The following TTN variants were observed in gnomAD, a reference collection of about 807,000 sequenced individuals.
TTN encodes the protein titin.
TTN carries 1,525 observed loss-of-function variants against 3,223.0 expected under a neutral mutation model. The ratio of observed to expected loss-of-function variants is 0.47; its 90% CI spans 0.45 to 0.49. The LOEUF (loss-of-function observed/expected upper bound fraction) is 0.49, where lower values mean the gene tolerates loss of function less well. Ranked by LOEUF, TTN falls within the 20% of genes least tolerant of loss-of-function variation. The pLI, the probability that TTN is intolerant of heterozygous loss-of-function variation, is 0.00. For missense variants in TTN, 40,786 were observed against 43,424.0 expected (o/e 0.94, Z 5.40); for synonymous variants, 14,094 against 15,161.0 (o/e 0.93, Z 5.17).
intron 216 of TTN, 134 bp downstream of exon 216, chr2:178,646,351 G>T: frequency 1.9e-6 from 1 of 532,676 alleles, no homozygotes; most frequent in Non-Finnish European, 3.2e-6. Context: ...TAAGAATGAG[G>T]CTCACATTTA....
chr2:178,636,739 C>A lies in TTN; in HGVS notation c.40988G>T (p.Ser13663Ile). The A allele has an allele frequency of 6.2e-7, 1 of 1,611,740 alleles. No homozygotes were observed. The highest frequency in any genetic ancestry group is 8.5e-7 in the Non-Finnish European group (1 of 1,178,286). The change falls in exon 225 of 363, where the codon AGT becomes ATT. Residue 13663 changes from serine to isoleucine, a missense_variant. Coordinates refer to ENST00000589042, the MANE Select transcript of TTN (RefSeq NM_001267550.2). This position sits in a 1 kb window ranked among gnomAD's most constrained non-coding sequence, Gnocchi z 4.3. The stretch of plus-strand genomic sequence containing the variant: ...TTCATCAGGAGGTTTCTCTCCACCA[C>A]TTCCTGGCCTTAACTTTCTCCTTTC... ...EAERRKLRPG[S>I]GGEKPPDEAP...
At chr2:178,550,562 GCA>G in intron 336 of TTN, 1 of 429,826 alleles carries the variant, frequency 2.3e-6, no homozygotes, top group African/African-American at 2.0e-5. Context: ...TAATACTGCT[GCA>G]CAGTCACACA....
At position 178,534,103 on chromosome 2, in the gene TTN, T is replaced by C; in HGVS notation, c.102512A>G (p.Tyr34171Cys). 6.2e-7 allele frequency: 1 copy of C among 1,613,984 alleles called. No individual in the cohort carries two copies. Among genetic ancestry groups the C allele is most frequent in the Non-Finnish European group, 8.5e-7 (1 of 1,179,856 alleles). The change falls in exon 358 of 363, where the codon TAC becomes TGC. Residue 34171 changes from tyrosine (Y) to cysteine (C), a missense_variant. By Grantham distance (194) the Tyr-to-Cys change is radical. Transcript: ENST00000589042. Reference sequence around the variant, plus strand: ...GTTCTCCAGCTGTCGGACGCCAAAGTACCAAGTCACTTGGGTAGACTGATC... The same window carrying C: ...GTTCTCCAGCTGTCGGACGCCAAAGCACCAAGTCACTTGGGTAGACTGATC... Reference protein sequence around the residue: ...NYDQSTQVTWYFGVRQLENSE... With the variant: ...NYDQSTQVTWCFGVRQLENSE...
At chr2:178,802,074 T>A (rs2094094058) in intron 3 of TTN, 64 bp downstream of exon 3, 13 of 1,605,434 alleles carry the variant, frequency 8.1e-6, no homozygotes. Flanking sequence ...TCTGGACTCC[T>A]TTCCCAATTT....
At chr2:178,758,942 G>T (rs147564262) in intron 44 of TTN, 42 bp downstream of exon 44, 14 of 1,564,874 alleles carry the variant, frequency 8.9e-6, no homozygotes, top group African/African-American at 8.1e-5. Flanking sequence ...GTTAAGATTC[G>T]ATCTATATTT....
chr2:178,771,293 AATG>A lies in TTN; in HGVS notation c.8031_8033del (p.Ile2678del). 1 of 1,614,128 alleles carries A rather than the reference AATG, an allele frequency of 6.2e-7. No individual in the cohort carries two copies. On this transcript the variant is annotated inframe_deletion, in exon 34 of 363. Coordinates refer to ENST00000589042, the MANE Select transcript of TTN (RefSeq NM_001267550.2). The stretch of plus-strand genomic sequence containing the variant: ...CAATGTCATCTAATTTGGTGGCAGC[AATG>A]ATAAGTCTCCTTTTGTGGCCATCAG...
chr2:178,599,244 A>G lies in TTN; in HGVS notation c.56549T>C (p.Leu18850Pro). Residue 18850 changes from leucine to proline, a missense_variant, in exon 290 of 363, where the codon CTA (leucine) becomes CCA (proline). Leu to Pro is a moderately conservative substitution (Grantham distance 98, BLOSUM62 -3). Transcript: ENST00000589042. ...TCGGAATACATATTCATGGCCTTCTAGCAATTTGGGAATCGTGTACGTGCA... is the reference window on the plus strand; with the variant it reads ...TCGGAATACATATTCATGGCCTTCTGGCAATTTGGGAATCGTGTACGTGCA... ...KECTYTIPKLLEGHEYVFRIM... is the reference protein window; with the variant it reads ...KECTYTIPKLPEGHEYVFRIM... 1 of 1,555,626 alleles carries G rather than the reference A, an allele frequency of 6.4e-7. No individual in the cohort carries two copies. The highest frequency in any genetic ancestry group is 1.3e-5 in the South Asian group (1 of 78,504).
Position 178,614,506 on chromosome 2 carries a change from C to T in TTN, c.49008G>A (p.Val16336=), listed in dbSNP as rs781078888. Residue 16336 remains valine, a synonymous_variant, in exon 261 of 363, where the codon GTG becomes GTA. Transcript: ENST00000589042. ...CCACCACAGCAGTGGCCCGGCCACA[C>T]ACATTCACAGCCTCAATGATATATG... ...TGTYIIEAVN[V]CGRATAVVEV... The T allele has an allele frequency of 3.5e-5, 57 of 1,611,344 alleles. No individual in the cohort carries two copies. Among genetic ancestry groups the T allele is most frequent in the Middle Eastern group, 1.7e-4 (1 of 6,042 alleles).
intron 213 of TTN, 114 bp downstream of exon 213, chr2:178,649,134 C>T: frequency 1.3e-6 from 1 of 796,446 alleles, no homozygotes. Context: ...TCCCTTTTTT[C>T]TGTGCAATAT....
At position 178,779,330 on chromosome 2, in the gene TTN, C is replaced by T; in HGVS notation, c.3862G>A (p.Ala1288Thr). 6.2e-7 allele frequency: 1 copy of T among 1,613,310 alleles called. No homozygotes were observed. Among genetic ancestry groups the T allele is most frequent in the Non-Finnish European group, 8.5e-7 (1 of 1,179,422 alleles). Residue 1288 changes from alanine (A) to threonine (T), a missense_variant, in exon 23 of 363, where the codon GCT becomes ACT. Transcript: ENST00000589042. ...CTTGAATCAAATCCTGATTCAACAG[C>T]TTCAGATTCAGAAATGTCAACTGCC... ...KMAVDISESEAVESGFDSRIK... is the reference protein window; with the variant it reads ...KMAVDISESETVESGFDSRIK...
intron 47 of TTN, chr2:178,747,070 TGG>T: frequency 1.2e-6 from 2 of 1,612,640 alleles, no homozygotes; most frequent in Non-Finnish European, 1.7e-6. Context: ...GTGCCTCCCC[TGG>T]GGGTGTGGAA....
rs903890102 is a variant in TTN at position 178,774,172 on chromosome 2, G to A, written c.7057+35C>T. The A allele has an allele frequency of 1.4e-5, 23 of 1,613,996 alleles. No homozygotes were observed. In the African/African-American group the frequency reaches 3.1e-4, roughly 22 times the overall value. ...TTTTTTATCAATAAACCATAATGAT[G>A]CTCACTGCAGGCTGACAGGAATGGG... On this transcript the variant is annotated intron_variant, in intron 30 of 362. Transcript: ENST00000589042.
rs750171692 is a variant in TTN, at chr2:178,605,063, C to T, written c.54114G>A (p.Glu18038=). 1.9e-6 allele frequency: 3 copies of T among 1,612,530 alleles called. No homozygotes were observed. The highest frequency in any genetic ancestry group is 3.3e-5 in the Admixed American group (2 of 59,936). The change falls in exon 280 of 363, where the codon GAG becomes GAA. Residue 18038 remains glutamate (E), a synonymous_variant. Coordinates refer to ENST00000589042, the MANE Select transcript of TTN (RefSeq NM_001267550.2). ...TELSIPKAVR[E]DKGTYTVTAS... Reference sequence around the variant, plus strand: ...CAGTAACTGTGTAAGTGCCTTTGTCCTCCCGGACCGCTTTGGGAATGCTAA... The same window carrying T: ...CAGTAACTGTGTAAGTGCCTTTGTCTTCCCGGACCGCTTTGGGAATGCTAA...
At chr2:178,717,047 GA>G in intron 88 of TTN, 47 bp downstream of exon 88, 2 of 1,553,970 alleles carry the variant, frequency 1.3e-6, no homozygotes, top group Non-Finnish European at 8.7e-7. Context: ...TATATTTTAA[GA>G]TACTGAAAAT....
At chr2:178,760,207 T>C (rs2088676448) in intron 43 of TTN, among the ~76,000 whole-genome samples, 1 of 152,146 alleles carries the variant, frequency 6.6e-6, no homozygotes, top group Middle Eastern at 3.2e-3. Context: ...AACAAATCTG[T>C]TCAGTTCCTT....
At chr2:178,716,056 C>G (rs922253973) in intron 88 of TTN, among the ~76,000 whole-genome samples, 1 of 152,228 alleles carries the variant, frequency 6.6e-6, no homozygotes, top group African/African-American at 2.4e-5. Context: ...AGTCCCTTCT[C>G]TAGTGCCAAG....
intron 335 of TTN, 29 bp from the exon 336 acceptor site, chr2:178,551,289 T>C (rs1179852150): frequency 6.3e-7 from 1 of 1,583,932 alleles, no homozygotes; most frequent in African/African-American, 1.4e-5. Flanking sequence ...GGTAAATGCA[T>C]CATTACATTT....
At chr2:178,678,268 A>G (rs1303784370) in intron 144 of TTN, 60 bp from the exon 145 acceptor site, 1 of 1,549,486 alleles carries the variant, frequency 6.5e-7, no homozygotes, top group Non-Finnish European at 8.7e-7. Flanking sequence ...AGAGCAATAG[A>G]TATGAAAAAG....
Position 178,526,893 on chromosome 2 carries a change from T to C in TTN, c.*119A>G. ...TGAATATTTTTGAACTTTGACTCAT[T>C]TAGGTTGATACAAAACTACTTTTTT... On this transcript the variant is annotated 3_prime_UTR_variant, in exon 363 of 363. Coordinates refer to ENST00000589042, the MANE Select transcript of TTN (RefSeq NM_001267550.2). 1.1e-6 allele frequency: 1 copy of C among 907,080 alleles called. No homozygotes were observed. Among genetic ancestry groups the C allele is most frequent in the Non-Finnish European group, 1.6e-6 (1 of 628,922 alleles). The allele number at this position is 907,080 out of a possible 1,614,324, so 56.2% of individuals were successfully genotyped here.
Sources: gnomAD v4.1 joint callset for allele counts (sites outside exome capture counted in the v4.1 genomes callset) on GRCh38, gnomAD v4.1.1 for gene constraint, Gnocchi (gnomAD v3.1) non-coding constraint, MANE v1.5 for transcripts, NCBI Gene and HGNC (gene_info 2026-07-23, HGNC 2026-07-21) for gene names.